TTC3: variants seen among roughly 807,000 people sequenced by gnomAD.
TTC3 encodes tetratricopeptide repeat domain 3, also known as E3 ubiquitin-protein ligase TTC3.
Under a neutral mutation model 249.6 loss-of-function variants are expected in TTC3, and 180 were observed. The observed-to-expected ratio is 0.72, with a 90% CI of 0.64 to 0.82. TTC3 has a LOEUF of 0.82. Among genes scored for constraint, TTC3 ranks in the 40% least tolerant of loss-of-function variants. TTC3 has a pLI of 0.00. For missense variants in TTC3, 2,061 were observed against 2,398.4 expected (o/e 0.86, Z 2.94); for synonymous variants, 717 against 805.0 (o/e 0.89, Z 1.85).
intron 17 of TTC3, among the ~76,000 whole-genome samples, chr21:37,134,435 C>T (rs2077744091): frequency 6.6e-6 from 1 of 150,394 alleles, no homozygotes; most frequent in Non-Finnish European, 1.5e-5. Flanking sequence ...GACGACAGAG[C>T]AAGACTCCAT....
chr21:37,115,131 TAACA>T (rs1265397318), intron 11 of TTC3, among the ~76,000 whole-genome samples: 1 of 151,560 alleles, frequency 6.6e-6, no homozygotes, highest in Non-Finnish European at 1.5e-5. Flanking sequence ...TATACCTATG[TAACA>T]AACCTGCACG....
intron 35 of TTC3, among the ~76,000 whole-genome samples, chr21:37,179,602 A>G (rs1244562120): frequency 6.6e-6 from 1 of 152,202 alleles, no homozygotes; most frequent in Non-Finnish European, 1.5e-5. Flanking sequence ...TTCAAATAGT[A>G]TGGTATAGTA....
exon 2 of TTC3, chr21:37,087,341 T>C (rs982960840): frequency 6.2e-7 from 1 of 1,614,068 alleles, no homozygotes; most frequent in East Asian, 2.2e-5. Flanking sequence ...ATTGTGTCTT[T>C]GCTGCTGAAT....
chr21:37,126,442 T>G (rs1198592791), intron 15 of TTC3, among the ~76,000 whole-genome samples: 8 of 152,222 alleles, frequency 5.3e-5, no homozygotes, highest in Non-Finnish European at 1.2e-4. Flanking sequence ...ATTGAAAGTT[T>G]ATTATTGCCT....
chr21:37,185,920 C>T, intron 37 of TTC3, 146 bp downstream of exon 37: 1 of 342,102 alleles, frequency 2.9e-6, no homozygotes, highest in Non-Finnish European at 5.2e-6. Context: ...ATTTCTGTTG[C>T]ATTTTAAAAA....
At chr21:37,109,589 A>G (rs529206368) in intron 11 of TTC3, among the ~76,000 whole-genome samples, 171 of 152,346 alleles carry the variant, frequency 1.1e-3, no homozygotes, top group Non-Finnish European at 9.3e-4. Flanking sequence ...GGAGCCCACC[A>G]CAGCTCAAGG....
At chr21:37,080,751 C>A (rs1418162413) in intron 1 of TTC3, among the ~76,000 whole-genome samples, 2 of 151,694 alleles carry the variant, frequency 1.3e-5, no homozygotes, top group Admixed American at 6.6e-5. Flanking sequence ...TTGTCTGATC[C>A]CGTCTTTCTT....
chr21:37,156,038 G>T (rs1278444506), intron 27 of TTC3, among the ~76,000 whole-genome samples: 1 of 107,702 alleles, frequency 9.3e-6, no homozygotes, highest in African/African-American at 3.9e-5. Flanking sequence ...CATTGTTTGG[G>T]TTTGTTTTTT....
chr21:37,174,320 G>T (rs1182926722), intron 35 of TTC3, among the ~76,000 whole-genome samples: 3 of 152,186 alleles, frequency 2.0e-5, no homozygotes, highest in East Asian at 3.8e-4. Flanking sequence ...AAGCCCCCCA[G>T]ATCACAGGCC....
At chr21:37,201,918 C>CGGG (rs2148261537) in exon 46 of TTC3, 1 of 198,132 alleles carries the variant, frequency 5.0e-6, no homozygotes, top group African/African-American at 2.9e-5. Context: ...AAGCGCCCCA[C>CGGG]GTTTGTTCCC....
chr21:37,090,520 G>A (rs577771401), intron 6 of TTC3: 1 of 890,938 alleles, frequency 1.1e-6, no homozygotes, highest in African/African-American at 1.8e-5. Flanking sequence ...TATTTTACAA[G>A]TTGATTCTTT....
At chr21:37,118,884 T>C (rs953085149) in intron 11 of TTC3, among the ~76,000 whole-genome samples, 2 of 152,244 alleles carry the variant, frequency 1.3e-5, no homozygotes, top group African/African-American at 4.8e-5. Flanking sequence ...TTTTCATCTC[T>C]AGAGGTTAAA....
rs553424237 is a variant in TTC3, at chr21:37,197,981, C to A, written c.5806C>A (p.Pro1936Thr). The change falls in exon 44 of 46, where the codon CCC becomes ACC. Residue 1936 changes from proline to threonine, a missense_variant. This residue lies in a region of TTC3 where 1,040 missense variants were observed against 1,186.1 expected (regional missense o/e 0.88). Coordinates refer to ENST00000355666, the Ensembl canonical transcript of TTC3. ...ACCCTCGGTGGTTGTTGCACCATCA[C>A]CCAAAACCAAGGGGCAGAAAGCAGA... 7 of 1,613,810 alleles carry A rather than the reference C, an allele frequency of 4.3e-6. No individual in the cohort carries two copies. In the East Asian group the frequency reaches 1.3e-4, roughly 31 times the overall value.
At chr21:37,074,893 G>A (rs1431714144) in intron 1 of TTC3, among the ~76,000 whole-genome samples, 1 of 152,092 alleles carries the variant, frequency 6.6e-6, no homozygotes, top group Admixed American at 6.5e-5. Context: ...CAAATACAGA[G>A]GGGGAGCTAA....
chr21:37,124,564 A>G, intron 13 of TTC3, 55 bp from the exon 14 acceptor site: 2 of 1,580,888 alleles, frequency 1.3e-6, no homozygotes, highest in Non-Finnish European at 1.7e-6. Context: ...CAACCTGTTC[A>G]TTCAAAGGAT....
At chr21:37,109,445 C>G (rs1012563217) in intron 11 of TTC3, among the ~76,000 whole-genome samples, 2 of 152,220 alleles carry the variant, frequency 1.3e-5, no homozygotes, top group Non-Finnish European at 2.9e-5. Flanking sequence ...GTCCTACGCC[C>G]ATGGAGCCTC....
At chr21:37,198,286 G>A (rs1031567895) in intron 44 of TTC3, among the ~76,000 whole-genome samples, 1 of 152,228 alleles carries the variant, frequency 6.6e-6, no homozygotes, top group Non-Finnish European at 1.5e-5. Context: ...CATCGTGGGG[G>A]ATCTGAGCCT....
intron 44 of TTC3, among the ~76,000 whole-genome samples, chr21:37,198,892 G>A (rs2085205875): frequency 6.6e-6 from 1 of 151,828 alleles, no homozygotes; most frequent in Non-Finnish European, 1.5e-5. Flanking sequence ...CTTTTAGTTA[G>A]AAATATACTG....
At chr21:37,189,798 GGCCTCCCAAAGTGCTAGGATTACAGGAGT>G (rs1390240000) in intron 39 of TTC3, among the ~76,000 whole-genome samples, 20 of 150,884 alleles carry the variant, frequency 1.3e-4, no homozygotes, top group African/African-American at 4.1e-4. Context: ...CACCCACCTT[GGCCTCCCAAAGTGCTAGGATTACAGGAGT>G]GCCTCCCAAA....
Sources: allele counts gnomAD v4.1 joint callset (sites outside exome capture counted in the v4.1 genomes callset), GRCh38; gene constraint gnomAD v4.1.1; regional missense constraint gnomAD v4.1.1; transcripts MANE v1.5; gene names NCBI Gene and HGNC (gene_info 2026-07-23, HGNC 2026-07-21).